Variants in SEC31A observed in about 807,000 individuals in gnomAD.
The protein encoded by SEC31A is protein transport protein Sec31A.
A neutral mutation model predicts 151.0 loss-of-function variants in SEC31A; 70 were observed. The ratio of observed to expected loss-of-function variants is 0.46; its 90% confidence interval spans 0.38 to 0.57. SEC31A has a LOEUF of 0.57. Ranked by LOEUF, SEC31A falls within the 20% of genes least tolerant of loss-of-function variation. SEC31A has a pLI of 0.00. For missense variants in SEC31A, 1,330 were observed against 1,471.2 expected (o/e 0.90, Z 1.57); for synonymous variants, 475 against 505.9 (o/e 0.94, Z 0.82).
At chr4:82,884,089 C>T (rs181065243) in intron 1 of SEC31A, among the ~76,000 whole-genome samples, 21 of 149,262 alleles carry the variant, frequency 1.4e-4, no homozygotes, top group Admixed American at 1.2e-3. Flanking sequence ...CGGGTTCAAG[C>T]GATTCTGGTG....
intron 22 of SEC31A, among the ~76,000 whole-genome samples, chr4:82,837,158 C>T (rs1348830787): frequency 1.2e-4 from 5 of 42,668 alleles, no homozygotes; most frequent in African/African-American, 3.6e-4. Context: ...TAAATTTTAT[C>T]ATATATATAT....
At chr4:82,870,786 T>C (rs960782438) in intron 7 of SEC31A, among the ~76,000 whole-genome samples, 4 of 152,226 alleles carry the variant, frequency 2.6e-5, no homozygotes, top group African/African-American at 9.7e-5. Flanking sequence ...GTAACGTATA[T>C]GCTATCTGAT....
At chr4:82,891,213 G>T (rs1239223667), upstream of SEC31A, 20 of 1,517,234 alleles carry the variant, frequency 1.3e-5, no homozygotes, top group Non-Finnish European at 1.8e-5. Flanking sequence ...CGTGGCAGCC[G>T]CAGCCGCAGC....
rs1418648036 is a variant in SEC31A, at chr4:82,848,949, A to T, written c.2357T>A (p.Leu786His). 6.2e-7 allele frequency: 1 copy of T among 1,613,588 alleles called. No individual in the cohort carries two copies. The highest frequency in any genetic ancestry group is 1.7e-5 in the Admixed American group (1 of 59,896). ...TACAGGCTCTCCTTGTGCTCTACAA[A>T]GTCTGTCACGAAGCTGCATGATATT... ...QPNIMQLRDRLCRAQGEPVAG... is the reference protein window; with the variant it reads ...QPNIMQLRDRHCRAQGEPVAG... Residue 786 changes from leucine (L) to histidine (H), a missense_variant, in exon 20 of 27, where the codon CTT (leucine) becomes CAT (histidine). Leu to His is a moderately conservative substitution (Grantham distance 99, BLOSUM62 -3). Transcript: ENST00000395310.
At position 82,851,620 on chromosome 4, in the gene SEC31A, G is replaced by C. The variant is rs1267824587; in HGVS notation, c.2155-16C>G. 5 of 1,597,204 alleles carry C rather than the reference G, an allele frequency of 3.1e-6. No homozygotes were observed. The South Asian group carries it at 5.6e-5, about 18-fold the overall frequency. On this transcript the variant is annotated splice_polypyrimidine_tract_variant and intron_variant, in intron 18 of 26. Transcript: ENST00000395310. ...CAATCAGATCCTAAATGAAAAAAAT[G>C]AGTAACAAACAGAAATATCAAGACC...
intron 22 of SEC31A, among the ~76,000 whole-genome samples, chr4:82,829,945 C>G (rs781069544): frequency 6.6e-6 from 1 of 152,104 alleles, no homozygotes; most frequent in Non-Finnish European, 1.5e-5. Flanking sequence ...TTTTGATATT[C>G]TCTATAAGGA....
chr4:82,893,257 CAG>C (rs1719924444), upstream of SEC31A: 1 of 152,210 alleles, frequency 6.6e-6, no homozygotes, highest in African/African-American at 2.4e-5. Context: ...TCTGTAGACA[CAG>C]GGACTCATTT....
At chr4:82,878,440 G>A (rs1738502277) in intron 4 of SEC31A, among the ~76,000 whole-genome samples, 2 of 152,152 alleles carry the variant, frequency 1.3e-5, no homozygotes, top group Admixed American at 1.3e-4. Context: ...GTTGCAGTGA[G>A]CCAAGATCAT....
intron 20 of SEC31A, among the ~76,000 whole-genome samples, chr4:82,844,986 C>T (rs1729744049): frequency 6.6e-6 from 1 of 152,094 alleles, no homozygotes; most frequent in South Asian, 2.1e-4. Flanking sequence ...TAGTTCAAGT[C>T]AATTTAAAAC....
At chr4:82,834,167 C>T (rs1726680863) in intron 22 of SEC31A, among the ~76,000 whole-genome samples, 2 of 152,300 alleles carry the variant, frequency 1.3e-5, no homozygotes, top group South Asian at 4.1e-4. Flanking sequence ...ACTGTGTGTG[C>T]ATTCCAATAG....
At chr4:82,892,025 G>T (rs184985960), upstream of SEC31A, among the ~76,000 whole-genome samples, 92 of 152,304 alleles carry the variant, frequency 6.0e-4, no homozygotes, top group African/African-American at 2.1e-3. Flanking sequence ...AAAGCAGAAG[G>T]ATCCTGCCCC....
intron 3 of SEC31A, among the ~76,000 whole-genome samples, 164 bp from the exon 4 acceptor site, chr4:82,879,092 C>T (rs1256294003): frequency 6.6e-6 from 1 of 152,086 alleles, no homozygotes; most frequent in Non-Finnish European, 1.5e-5. Flanking sequence ...AATAGTATTT[C>T]ATTTTTTATT....
intron 3 of SEC31A, among the ~76,000 whole-genome samples, chr4:82,879,137 TTAAAGAG>T (rs1201432538): frequency 6.6e-6 from 1 of 152,192 alleles, no homozygotes; most frequent in Non-Finnish European, 1.5e-5. Context: ...TTTGTAATCC[TTAAAGAG>T]TAAAAACTCT....
At chr4:82,858,774 C>G (rs1733365614) in intron 14 of SEC31A, among the ~76,000 whole-genome samples, 1 of 151,518 alleles carries the variant, frequency 6.6e-6, no homozygotes, top group African/African-American at 2.4e-5. Context: ...GCACTCTCGG[C>G]TCACTGCAAA....
chr4:82,862,596 C>T lies in SEC31A; in HGVS notation c.1510-24G>A, dbSNP rs766497462. 1.6e-5 allele frequency: 26 copies of T among 1,605,828 alleles called. No individual in the cohort carries two copies. The Admixed American group carries it at 4.3e-4, about 27-fold the overall frequency. On this transcript the variant is annotated intron_variant, in intron 12 of 26. Coordinates refer to ENST00000395310, the MANE Select transcript of SEC31A (RefSeq NM_001077207.4). ...ATCTGAAATAAAAATAACAGCTCAC[C>T]TACTACATGGAATTCTATTTCAGAG...
intron 2 of SEC31A, chr4:82,899,766 A>C (rs535777209): frequency 1.3e-5 from 2 of 152,814 alleles, no homozygotes; most frequent in Admixed American, 6.5e-5. Context: ...AAGGGGAAAA[A>C]GAAGCAATCT....
At chr4:82,839,156 T>C (rs2149187987) in intron 22 of SEC31A, among the ~76,000 whole-genome samples, 1 of 151,992 alleles carries the variant, frequency 6.6e-6, no homozygotes, top group African/African-American at 2.4e-5. Flanking sequence ...TTTGTATTTT[T>C]TTTTCTTTTT....
At chr4:82,841,442 T>TTATATATATATATATGTA (rs1728741796) in intron 22 of SEC31A, among the ~76,000 whole-genome samples, 1 of 64,460 alleles carries the variant, frequency 1.6e-5, no homozygotes, top group Non-Finnish European at 3.8e-5. Flanking sequence ...AAAAAAAATT[T>TTATATATATATATATGTA]TATATATATA....
Position 82,851,563 on chromosome 4 carries a change from T to C in SEC31A, c.2196A>G (p.Gln732=). ...EKVVILRKAV[Q]LTQAMDTSTV... ...TACTAGTGTCCATGGCTTGAGTGAG[T>C]TGCACAGCTTTTCGCAGGATGACAA... The change falls in exon 19 of 27, where the codon CAA becomes CAG. Residue 732 remains glutamine (Q), a synonymous_variant. Transcript: ENST00000395310. 1 of 1,611,596 alleles carries C rather than the reference T, an allele frequency of 6.2e-7. No homozygotes were observed. The highest frequency in any genetic ancestry group is 1.3e-5 in the African/African-American group (1 of 74,946).
Sources: gnomAD v4.1 joint callset for allele counts (sites outside exome capture counted in the v4.1 genomes callset) on GRCh38, gnomAD v4.1.1 for gene constraint, MANE v1.5 for transcripts, NCBI Gene and HGNC (gene_info 2026-07-23, HGNC 2026-07-21) for gene names.